Variants in MACROD2 observed in about 807,000 individuals in gnomAD.
MACROD2 encodes mono-ADP ribosylhydrolase 2.
Under a neutral mutation model 70.4 loss-of-function variants are expected in MACROD2, and 36 were observed. The observed-to-expected ratio is 0.51, with a 90% CI of 0.39 to 0.68. The LOEUF (loss-of-function observed/expected upper bound fraction) is 0.68, where lower values mean the gene tolerates loss of function less well. Among genes scored for constraint, MACROD2 ranks in the 30% least tolerant of loss-of-function variants. The pLI is 0.00. For synonymous variants in MACROD2, 172 were observed against 178.8 expected (o/e 0.96, Z 0.30); for missense variants, 496 against 538.4 (o/e 0.92, Z 0.78).
At chr20:14,992,797 A>G (rs1032837238) in intron 5 of MACROD2, among the ~76,000 whole-genome samples, 1 of 150,470 alleles carries the variant, frequency 6.6e-6, no homozygotes, top group African/African-American at 2.5e-5. Flanking sequence ...TTTCTTTGAA[A>G]TTTTTTTAAA....
chr20:14,300,366 G>A (rs2082464098), intron 3 of MACROD2, among the ~76,000 whole-genome samples: 2 of 152,170 alleles, frequency 1.3e-5, no homozygotes. Context: ...GAAAATAGAT[G>A]TGTTTGACTC....
intron 5 of MACROD2, among the ~76,000 whole-genome samples, chr20:14,880,706 C>A (rs1305346239): frequency 6.6e-6 from 1 of 152,104 alleles, no homozygotes; most frequent in Non-Finnish European, 1.5e-5. Context: ...TGAGGAGAGG[C>A]CAAAAATTAA....
intron 6 of MACROD2, among the ~76,000 whole-genome samples, chr20:15,374,508 A>G (rs2045536395): frequency 6.6e-6 from 1 of 152,144 alleles, no homozygotes; most frequent in Admixed American, 6.6e-5. Context: ...CCTTCCACAT[A>G]AGATTCATTT....
At chr20:15,726,645 T>G (rs1309664931) in intron 8 of MACROD2, among the ~76,000 whole-genome samples, 2 of 152,186 alleles carry the variant, frequency 1.3e-5, no homozygotes, top group Admixed American at 6.5e-5. Flanking sequence ...AGATGGTATC[T>G]CATTGTGGTT....
Position 15,016,393 on chromosome 20 carries a change from G to A in MACROD2, c.419-213547G>A, listed in dbSNP as rs958670648. On this transcript the variant is annotated intron_variant, in intron 5 of 17. Transcript: ENST00000684519. ...TTTCCTGTTCTGAGCTGCTACAGTC[G>A]ATCCTGATATGGTTTGGATGTTTGT... 3.9e-5 allele frequency among the ~76,000 whole-genome samples: 6 copies of A among 152,030 alleles called. No homozygotes were observed. The South Asian group carries it at 1.0e-3, about 26-fold the overall frequency.
intron 5 of MACROD2, among the ~76,000 whole-genome samples, chr20:14,982,538 G>A (rs1020463213): frequency 2.6e-5 from 4 of 152,150 alleles, no homozygotes; most frequent in South Asian, 2.1e-4. Flanking sequence ...TGCAGCCTAG[G>A]GACTTGGTGC....
intron 3 of MACROD2, among the ~76,000 whole-genome samples, chr20:14,196,115 G>A (rs1369972535): frequency 3.9e-5 from 6 of 152,242 alleles, no homozygotes; most frequent in African/African-American, 1.2e-4. Context: ...GAGCAGTGGG[G>A]CACTGAAGAA....
At chr20:15,464,021 A>C (rs766955654) in intron 7 of MACROD2, among the ~76,000 whole-genome samples, 2 of 152,170 alleles carry the variant, frequency 1.3e-5, no homozygotes, top group Non-Finnish European at 2.9e-5. Flanking sequence ...CTCATGTTGC[A>C]GCCATCTCAC....
intron 4 of MACROD2, among the ~76,000 whole-genome samples, chr20:14,655,633 TA>T (rs928506347): frequency 1.3e-5 from 2 of 152,202 alleles, no homozygotes; most frequent in Non-Finnish European, 2.9e-5. Flanking sequence ...TTTCTACAAA[TA>T]ATTTAATATC....
intron 4 of MACROD2, among the ~76,000 whole-genome samples, chr20:14,504,610 C>T (rs1312191774): frequency 1.3e-5 from 2 of 152,146 alleles, no homozygotes; most frequent in Non-Finnish European, 2.9e-5. Context: ...AATTCTCATC[C>T]TCTGGAAATA....
At chr20:15,048,986 T>C (rs577626567) in intron 5 of MACROD2, among the ~76,000 whole-genome samples, 15 of 152,270 alleles carry the variant, frequency 9.9e-5, no homozygotes, top group African/African-American at 3.6e-4. Context: ...GAACAGTGCA[T>C]TATATACTTT....
At chr20:15,404,524 C>T (rs2045971086) in intron 6 of MACROD2, among the ~76,000 whole-genome samples, 1 of 152,130 alleles carries the variant, frequency 6.6e-6, no homozygotes, top group Non-Finnish European at 1.5e-5. Context: ...ATATTTTTAC[C>T]CACTGCAACC....
intron 5 of MACROD2, among the ~76,000 whole-genome samples, chr20:15,110,560 G>C (rs2075946589): frequency 6.6e-6 from 1 of 152,166 alleles, no homozygotes; most frequent in South Asian, 2.1e-4. Flanking sequence ...CTCAAAGTAA[G>C]TGTTTGTGAA....
intron 3 of MACROD2, among the ~76,000 whole-genome samples, chr20:14,088,295 A>G (rs1055146919): frequency 7.1e-6 from 1 of 140,224 alleles, no homozygotes; most frequent in Non-Finnish European, 1.5e-5. Flanking sequence ...GTGCCACTGC[A>G]CTCCAGCCTG....
intron 4 of MACROD2, among the ~76,000 whole-genome samples, chr20:14,674,266 A>T (rs1242909513): frequency 2.0e-5 from 3 of 152,182 alleles, no homozygotes; most frequent in Admixed American, 1.3e-4. Context: ...CTTTAAGTTC[A>T]GGCAAACATG....
At chr20:14,790,469 A>G (rs969002649) in intron 5 of MACROD2, among the ~76,000 whole-genome samples, 27 of 143,806 alleles carry the variant, frequency 1.9e-4, no homozygotes, top group South Asian at 1.1e-3. Context: ...ATGAGCCACA[A>G]TTGAAGTTGT....
intron 9 of MACROD2, among the ~76,000 whole-genome samples, chr20:15,875,930 A>G (rs913386617): frequency 2.6e-5 from 4 of 151,380 alleles, no homozygotes; most frequent in African/African-American, 7.3e-5. Context: ...AATGCAGGGG[A>G]AAAAAAAGTC....
intron 8 of MACROD2, among the ~76,000 whole-genome samples, chr20:15,723,653 T>C (rs77195278): frequency 1.3e-3 from 198 of 152,330 alleles, no homozygotes; most frequent in African/African-American, 4.6e-3. Context: ...AATATTTCTT[T>C]GTTTGCATGT....
At chr20:14,855,731 T>C (rs1167322978) in intron 5 of MACROD2, among the ~76,000 whole-genome samples, 1 of 151,684 alleles carries the variant, frequency 6.6e-6, no homozygotes, top group Non-Finnish European at 1.5e-5. Context: ...AGCTTTAATT[T>C]ACCCCTGATA....
Sources: gnomAD v4.1 joint callset for allele counts (sites outside exome capture counted in the v4.1 genomes callset) on GRCh38, gnomAD v4.1.1 for gene constraint, MANE v1.5 for transcripts, NCBI Gene and HGNC (gene_info 2026-07-23, HGNC 2026-07-21) for gene names.